The following CCSER1 variants were observed in gnomAD, a reference collection of about 807,000 sequenced individuals.
The protein encoded by CCSER1 is serine-rich coiled-coil domain-containing protein 1.
In CCSER1, 41 loss-of-function variants were observed where a neutral mutation model predicts 82.0. The observed-to-expected ratio is 0.50, with a 90% confidence interval of 0.39 to 0.65. The LOEUF (loss-of-function observed/expected upper bound fraction) is 0.65, where lower values mean the gene tolerates loss of function less well. Among genes scored for constraint, CCSER1 ranks in the 30% least tolerant of loss-of-function variants. The pLI is 0.00. For synonymous variants in CCSER1, 414 were observed against 383.9 expected, an observed-to-expected ratio of 1.08 and a Z score of -0.92; for missense variants, 1,119 against 1,064.2, an observed-to-expected ratio of 1.05 and a Z score of -0.72.
intron 10 of CCSER1, among the ~76,000 whole-genome samples, chr4:91,420,157 A>G (rs530075882): frequency 1.3e-5 from 2 of 152,214 alleles, no homozygotes; most frequent in African/African-American, 4.8e-5. Context: ...TTTCTTGGAT[A>G]TGACTCCCAA....
chr4:90,879,957 A>AT (rs144899792), intron 8 of CCSER1, among the ~76,000 whole-genome samples: 1,825 of 152,214 alleles, frequency 0.012, 16 homozygotes, highest in African/African-American at 0.032. Context: ...TTTGAAGCTG[A>AT]TTTTTTGTCT....
At chr4:90,369,178 AAG>A (rs1746882975) in intron 3 of CCSER1, among the ~76,000 whole-genome samples, 1 of 132,546 alleles carries the variant, frequency 7.5e-6, no homozygotes, top group Admixed American at 7.5e-5. Context: ...GGAAAAGGAG[AAG>A]GACAAAGATT....
intron 8 of CCSER1, among the ~76,000 whole-genome samples, chr4:90,824,648 A>G (rs1227300686): frequency 6.6e-6 from 1 of 152,154 alleles, no homozygotes; most frequent in African/African-American, 2.4e-5. Flanking sequence ...TCATGAATTT[A>G]TCTTAAAAGT....
chr4:90,605,011 G>C (rs1784479056), intron 5 of CCSER1, among the ~76,000 whole-genome samples: 1 of 151,906 alleles, frequency 6.6e-6, no homozygotes, highest in Non-Finnish European at 1.5e-5. Flanking sequence ...CCGCTTCCAC[G>C]TGTGGGAGGT....
Position 91,520,356 on chromosome 4 carries a change from C to A in CCSER1, c.2218-78216C>A, listed in dbSNP as rs950010466. ...CAGATTGGCCTTGAACGTGTAGGCT[C>A]GCCTCCCTGAGTGCCAGGGCAACTG... On this transcript the variant is annotated intron_variant, in intron 10 of 10. Coordinates refer to ENST00000509176, the MANE Select transcript of CCSER1 (RefSeq NM_001145065.2). Among the ~76,000 whole-genome samples, 6 of 148,446 alleles carry A rather than the reference C, an allele frequency of 4.0e-5. No individual in the cohort carries two copies. In the South Asian group the frequency reaches 1.3e-3, roughly 32 times the overall value.
intron 8 of CCSER1, among the ~76,000 whole-genome samples, chr4:90,859,078 T>C (rs577620794): frequency 6.6e-6 from 1 of 152,040 alleles, no homozygotes; most frequent in South Asian, 2.1e-4. Context: ...ACTAGTCTAA[T>C]GTTTGAAGTG....
chr4:90,688,313 G>A (rs1016279687), intron 6 of CCSER1, among the ~76,000 whole-genome samples: 15 of 152,024 alleles, frequency 9.9e-5, no homozygotes, highest in South Asian at 2.1e-4. Context: ...GTGTGTGCAC[G>A]TGCATGTGTG....
At chr4:91,136,871 GAC>G (rs940084240) in intron 10 of CCSER1, among the ~76,000 whole-genome samples, 1 of 151,992 alleles carries the variant, frequency 6.6e-6, no homozygotes, top group Non-Finnish European at 1.5e-5. Flanking sequence ...TACTGGCTAT[GAC>G]ACACACATTT....
intron 10 of CCSER1, among the ~76,000 whole-genome samples, chr4:91,437,595 G>A (rs1289825536): frequency 1.3e-5 from 2 of 152,186 alleles, no homozygotes; most frequent in Admixed American, 6.5e-5. Context: ...GAGGTACTGG[G>A]TTCATCTCAC....
At chr4:91,098,889 A>G (rs1724776015) in intron 10 of CCSER1, among the ~76,000 whole-genome samples, 1 of 152,226 alleles carries the variant, frequency 6.6e-6, no homozygotes, top group African/African-American at 2.4e-5. Flanking sequence ...CACAACTTCC[A>G]AGACTAGAAC....
chr4:90,412,636 A>G (rs1755066331), intron 4 of CCSER1, among the ~76,000 whole-genome samples: 1 of 152,184 alleles, frequency 6.6e-6, no homozygotes, highest in Non-Finnish European at 1.5e-5. Flanking sequence ...CACAAGCAAA[A>G]CAGAATTAAA....
intron 10 of CCSER1, among the ~76,000 whole-genome samples, chr4:91,497,464 A>T (rs551791075): frequency 6.6e-6 from 1 of 151,768 alleles, no homozygotes; most frequent in Non-Finnish European, 1.5e-5. Flanking sequence ...ATAAAACAAA[A>T]ATTCCTGTGA....
chr4:91,573,109 AC>A (rs1763271700), intron 10 of CCSER1, among the ~76,000 whole-genome samples: 1 of 152,192 alleles, frequency 6.6e-6, no homozygotes, highest in East Asian at 1.9e-4. Context: ...CAGTCTGACC[AC>A]ATTGTGGTAG....
intron 1 of CCSER1, among the ~76,000 whole-genome samples, chr4:90,278,848 G>A (rs886210943): frequency 6.6e-6 from 1 of 151,978 alleles, no homozygotes; most frequent in Non-Finnish European, 1.5e-5. Context: ...GAAAAAAATG[G>A]AGTTGATAAG....
At chr4:90,377,269 GTGT>G (rs1269133337) in intron 3 of CCSER1, among the ~76,000 whole-genome samples, 7 of 152,116 alleles carry the variant, frequency 4.6e-5, no homozygotes, top group African/African-American at 1.7e-4. Flanking sequence ...TAATATTAAT[GTGT>G]TGTTAAAGCT....
At chr4:91,096,529 T>C (rs1331104914) in intron 10 of CCSER1, among the ~76,000 whole-genome samples, 1 of 152,218 alleles carries the variant, frequency 6.6e-6, no homozygotes, top group Non-Finnish European at 1.5e-5. Context: ...GGAACTGATC[T>C]GGGTGTCCTG....
chr4:91,268,593 A>G (rs1156308862), intron 10 of CCSER1, among the ~76,000 whole-genome samples: 1 of 152,120 alleles, frequency 6.6e-6, no homozygotes, highest in East Asian at 1.9e-4. Flanking sequence ...GCTTTGTGTG[A>G]GCAACAAGGC....
intron 10 of CCSER1, among the ~76,000 whole-genome samples, chr4:91,448,661 T>G (rs931466599): frequency 3.3e-5 from 5 of 152,106 alleles, no homozygotes; most frequent in African/African-American, 9.7e-5. Context: ...TAATGATTAT[T>G]ATGATGATAA....
At chr4:91,073,928 C>T (rs1252861997) in intron 9 of CCSER1, among the ~76,000 whole-genome samples, 1 of 152,024 alleles carries the variant, frequency 6.6e-6, no homozygotes, top group Non-Finnish European at 1.5e-5. Context: ...TTTTACCAGG[C>T]AAGCAAAGAC....
Sources: gnomAD v4.1 joint callset for allele counts (sites outside exome capture counted in the v4.1 genomes callset) on GRCh38, gnomAD v4.1.1 for gene constraint, MANE v1.5 for transcripts, NCBI Gene and HGNC (gene_info 2026-07-23, HGNC 2026-07-21) for gene names.